MYBL1: variants seen among roughly 807,000 people sequenced by gnomAD.
MYBL1 encodes MYB proto-oncogene like 1.
In MYBL1, 17 loss-of-function variants were observed where a neutral mutation model predicts 96.3. The ratio of observed to expected loss-of-function variants is 0.18; its 90% CI spans 0.12 to 0.26. The LOEUF (loss-of-function observed/expected upper bound fraction) is 0.26. Among genes scored for constraint, MYBL1 ranks in the 10% least tolerant of loss-of-function variants. MYBL1 has a pLI of 1.00. For missense variants in MYBL1, 701 were observed against 882.9 expected, an observed-to-expected ratio of 0.79 and a Z score of 2.61; for synonymous variants, 282 against 292.7, an observed-to-expected ratio of 0.96 and a Z score of 0.37.
intron 6 of MYBL1, among the ~76,000 whole-genome samples, chr8:66,594,153 C>G (rs566404622): frequency 7.9e-5 from 12 of 151,572 alleles, no homozygotes; most frequent in Admixed American, 5.9e-4. Flanking sequence ...AAAAAAAAAG[C>G]CTTAAAATCA....
At chr8:66,590,949 T>C (rs572901396) in intron 8 of MYBL1, among the ~76,000 whole-genome samples, 2 of 152,296 alleles carry the variant, frequency 1.3e-5, no homozygotes, top group South Asian at 4.1e-4. Flanking sequence ...TTATAACTAA[T>C]TTGAGATGAT....
intron 12 of MYBL1, 53 bp from the exon 13 acceptor site, chr8:66,567,045 C>T: frequency 8.2e-7 from 1 of 1,219,286 alleles, no homozygotes; most frequent in African/African-American, 1.5e-5. Context: ...ATTCCTTTTT[C>T]TCCCTATATA....
At chr8:66,577,850 A>T (rs1263940241) in intron 9 of MYBL1, among the ~76,000 whole-genome samples, 1 of 152,226 alleles carries the variant, frequency 6.6e-6, no homozygotes, top group Non-Finnish European at 1.5e-5. Context: ...TACAGTAACC[A>T]AAACAGCATG....
chr8:66,575,856 A>G (rs968581496), intron 10 of MYBL1, 151 bp downstream of exon 10: 4 of 571,398 alleles, frequency 7.0e-6, no homozygotes, highest in African/African-American at 1.9e-5. Flanking sequence ...GATACTTTCT[A>G]TTCTCTCAGA....
chr8:66,566,332 G>C, intron 14 of MYBL1, 89 bp from the exon 15 acceptor site: 1 of 712,842 alleles, frequency 1.4e-6, no homozygotes, highest in East Asian at 3.1e-5. Context: ...TGGAAGCCCT[G>C]TTTATTTCCC....
chr8:66,602,292 C>T, intron 2 of MYBL1, 126 bp downstream of exon 2: 4 of 463,016 alleles, frequency 8.6e-6, no homozygotes, highest in Non-Finnish European at 1.5e-5. Context: ...CTCAAGTGAT[C>T]CGCCCATCTC....
chr8:66,572,873 C>A (rs1401695795), intron 11 of MYBL1, among the ~76,000 whole-genome samples: 1 of 151,990 alleles, frequency 6.6e-6, no homozygotes, highest in Non-Finnish European at 1.5e-5. Context: ...CACTATATTT[C>A]AGTTGGTTTT....
In MYBL1 at chr8:66,593,212, C is replaced by A. The variant is rs759392248; in HGVS notation, c.688-18G>T. On this transcript the variant is annotated intron_variant, in intron 6 of 15. Coordinates refer to ENST00000522677, the MANE Select transcript of MYBL1 (RefSeq NM_001080416.4). ...CCAGGGATCTAAAAAGTAATTAATG[C>A]ATTATTATCATACATATAATGCTAT... 14 of 1,443,578 alleles carry A rather than the reference C, an allele frequency of 9.7e-6. No individual in the cohort carries two copies. The highest frequency in any genetic ancestry group is 1.2e-5 in the Non-Finnish European group (13 of 1,044,578). 89.4% of individuals were successfully genotyped at this position (1,443,578 alleles called of 1,614,324 possible). A position where few individuals can be genotyped will look rare whatever the true frequency, so the allele number is the denominator to read the frequency against.
intron 8 of MYBL1, among the ~76,000 whole-genome samples, chr8:66,581,701 A>T (rs973952579): frequency 1.3e-5 from 2 of 152,188 alleles, no homozygotes; most frequent in Non-Finnish European, 2.9e-5. Context: ...TAAAAACTGC[A>T]AAGTAAAAGT....
intron 8 of MYBL1, among the ~76,000 whole-genome samples, chr8:66,590,544 C>G (rs1399577917): frequency 6.6e-6 from 1 of 151,468 alleles, no homozygotes; most frequent in African/African-American, 2.4e-5. Flanking sequence ...ATCACTTGAA[C>G]CCAGGAGCCT....
chr8:66,602,535 A>G lies in MYBL1; in HGVS notation c.21-12T>C. The G allele has an allele frequency of 6.4e-7, 1 of 1,566,208 alleles. No homozygotes were observed. The highest frequency in any genetic ancestry group is 2.3e-5 in the East Asian group (1 of 43,948). ...CATCCTCATCCTCACTACAAAAAAA[A>G]CACAATTTGTGATATCAAGAATTTT... is the stretch of plus-strand genomic sequence containing the variant. On this transcript the variant is annotated splice_polypyrimidine_tract_variant and intron_variant, in intron 1 of 15. Coordinates refer to ENST00000522677, the MANE Select transcript of MYBL1 (RefSeq NM_001080416.4).
At position 66,566,959 on chromosome 8, in the gene MYBL1, G is replaced by A. The variant is rs772783402; in HGVS notation, c.1762C>T (p.Arg588Trp). Residue 588 changes from arginine (R) to tryptophan (W), a missense_variant, in exon 13 of 16, where the codon CGG (arginine) becomes TGG (tryptophan). By Grantham distance (101) the Arg-to-Trp change is moderately radical (BLOSUM62 -3). Around this residue, in one of 5 missense-constraint regions of MYBL1, gnomAD observed 63 missense variants for 109.2 expected, o/e 0.58. Transcript: ENST00000522677. ...CCAGTTTCTTCTTTTAAAACTTCCC[G>A]AATATCTTCTTCCAAGAAAGCAAGT... Reference protein sequence around the residue: ...QPLAFLEEDIREVLKEETGTD... With the variant: ...QPLAFLEEDIWEVLKEETGTD... 7 of 1,612,584 alleles carry A rather than the reference G, an allele frequency of 4.3e-6. No individual in the cohort carries two copies. In the East Asian group the frequency reaches 6.7e-5, roughly 15 times the overall value.
chr8:66,584,042 C>T (rs182615824), intron 8 of MYBL1, among the ~76,000 whole-genome samples: 1 of 152,168 alleles, frequency 6.6e-6, no homozygotes, highest in African/African-American at 2.4e-5. Context: ...TGCAAAAAGA[C>T]ATTCACCAAG....
chr8:66,612,981 G>C lies in MYBL1; in HGVS notation c.-143C>G, dbSNP rs1268693968. 5.3e-5 allele frequency: 48 copies of C among 914,226 alleles called. No homozygotes were observed. Among genetic ancestry groups the C allele is most frequent in the East Asian group, 4.4e-4 (14 of 32,118 alleles). 56.6% of individuals were successfully genotyped at this position (914,226 alleles called of 1,614,324 possible). ...GGCCGAGTGCGGAACGCACGTCCTC[G>C]ACAGGGCAGGACGGAGGGACAGCGG... On this transcript the variant is annotated 5_prime_UTR_variant, in exon 1 of 16. Transcript: ENST00000522677.
chr8:66,606,910 C>T (rs1810335279), intron 1 of MYBL1, among the ~76,000 whole-genome samples: 1 of 152,110 alleles, frequency 6.6e-6, no homozygotes, highest in African/African-American at 2.4e-5. Flanking sequence ...CCTTCCTCAG[C>T]CTCCCAGGTA....
chr8:66,606,632 A>G (rs1810321803), intron 1 of MYBL1, among the ~76,000 whole-genome samples: 1 of 152,200 alleles, frequency 6.6e-6, no homozygotes, highest in Non-Finnish European at 1.5e-5. Flanking sequence ...TTGGAACAAA[A>G]TTCTTCATAT....
intron 8 of MYBL1, among the ~76,000 whole-genome samples, chr8:66,585,790 GC>G (rs1809395587): frequency 6.6e-6 from 1 of 151,952 alleles, no homozygotes; most frequent in South Asian, 2.1e-4. Flanking sequence ...CATTGTTTGG[GC>G]AAAAATTTTA....
chr8:66,593,131 C>T lies in MYBL1; in HGVS notation c.751G>A (p.Ala251Thr), dbSNP rs1809714782. Residue 251 changes from alanine to threonine, a missense_variant, in exon 7 of 16, where the codon GCC becomes ACC. Physicochemically the swap from Ala to Thr is moderately conservative, Grantham distance 58. Coordinates refer to ENST00000522677, the MANE Select transcript of MYBL1 (RefSeq NM_001080416.4). ...NCIEHVQPTS[A>T]FIQQPFIDED... Reference sequence around the variant, plus strand: ...TAAATAAAAGTTACCTGAATAAAGGCAGAAGTAGGCTGAACATGTTCTATA... The same window carrying T: ...TAAATAAAAGTTACCTGAATAAAGGTAGAAGTAGGCTGAACATGTTCTATA... 1.3e-6 allele frequency: 2 copies of T among 1,576,764 alleles called. No homozygotes were observed. Among genetic ancestry groups the T allele is most frequent in the South Asian group, 2.4e-5 (2 of 84,980 alleles).
rs757604337 is a variant in MYBL1 at position 66,576,057 on chromosome 8, T to C, written c.1420A>G (p.Met474Val). ...TTCAGTGGTGTATGTTTTAGCGCCATATTACCACCATCGTTCAATGAGCCA... is the reference window on the plus strand; with the variant it reads ...TTCAGTGGTGTATGTTTTAGCGCCACATTACCACCATCGTTCAATGAGCCA... ...RDGSLNDGGNMALKHTPLKTL... is the reference protein window; with the variant it reads ...RDGSLNDGGNVALKHTPLKTL... Residue 474 changes from methionine to valine, a missense_variant, in exon 10 of 16, where the codon ATG (methionine) becomes GTG (valine). This residue lies in a region of MYBL1 where 396 missense variants were observed against 407.4 expected (regional missense o/e 0.97). Coordinates refer to ENST00000522677, the MANE Select transcript of MYBL1 (RefSeq NM_001080416.4). 2.5e-6 allele frequency: 4 copies of C among 1,613,818 alleles called. No homozygotes were observed. The highest frequency in any genetic ancestry group is 3.3e-5 in the Admixed American group (2 of 59,990).
Sources: gnomAD v4.1 joint callset for allele counts (sites outside exome capture counted in the v4.1 genomes callset) on GRCh38, gnomAD v4.1.1 for gene constraint, gnomAD v4.1.1 regional missense constraint, MANE v1.5 for transcripts, NCBI Gene and HGNC (gene_info 2026-07-23, HGNC 2026-07-21) for gene names.